Variants in GLRB observed in about 807,000 individuals in gnomAD.
GLRB encodes the protein glycine receptor subunit beta.
Under a neutral mutation model 54.2 loss-of-function variants are expected in GLRB, and 33 were observed. The ratio of observed to expected loss-of-function variants is 0.61; its 90% CI spans 0.46 to 0.81. The LOEUF (loss-of-function observed/expected upper bound fraction) is 0.81, where lower values mean the gene tolerates loss of function less well. Ranked by LOEUF, GLRB falls within the 40% of genes least tolerant of loss-of-function variation. GLRB has a pLI of 0.00. For synonymous variants in GLRB, 209 were observed against 208.2 expected, an observed-to-expected ratio of 1.00 and a Z score of -0.03; for missense variants, 572 against 584.6, an observed-to-expected ratio of 0.98 and a Z score of 0.22.
intron 8 of GLRB, among the ~76,000 whole-genome samples, 172 bp downstream of exon 8, chr4:157,144,131 T>C (rs2126584406): frequency 6.6e-6 from 1 of 152,362 alleles, no homozygotes; most frequent in South Asian, 2.1e-4. Context: ...TCAATGTTTA[T>C]GCACTCTATA....
intron 2 of GLRB, 87 bp downstream of exon 2, chr4:157,078,233 A>T: frequency 6.3e-7 from 1 of 1,586,764 alleles, no homozygotes; most frequent in Non-Finnish European, 8.6e-7. Context: ...GACACACATC[A>T]ACAAAACTTT....
chr4:157,163,829 AGTGTGT>A (rs3054934), intron 9 of GLRB, among the ~76,000 whole-genome samples: 10 of 146,276 alleles, frequency 6.8e-5, no homozygotes, highest in Admixed American at 6.1e-4. Context: ...TGTCTGTGTG[AGTGTGT>A]GTGTGTGTGT....
At chr4:157,116,796 A>G (rs1025102196) in intron 2 of GLRB, among the ~76,000 whole-genome samples, 1 of 151,678 alleles carries the variant, frequency 6.6e-6, no homozygotes, top group African/African-American at 2.4e-5. Flanking sequence ...ATTTTATTTA[A>G]ATTTTAAAAC....
intron 2 of GLRB, among the ~76,000 whole-genome samples, chr4:157,090,372 T>G (rs1011476142): frequency 3.9e-5 from 6 of 152,208 alleles, no homozygotes; most frequent in African/African-American, 1.4e-4. Context: ...CGGTAGCAAA[T>G]CAGTTTAATG....
intron 9 of GLRB, among the ~76,000 whole-genome samples, chr4:157,167,589 T>C (rs1737758446): frequency 6.6e-6 from 1 of 152,198 alleles, no homozygotes; most frequent in Non-Finnish European, 1.5e-5. Context: ...ATTAGATGTA[T>C]ATTTGTATAT....
At chr4:157,111,271 A>G (rs950808608) in intron 2 of GLRB, among the ~76,000 whole-genome samples, 1 of 151,956 alleles carries the variant, frequency 6.6e-6, no homozygotes, top group Non-Finnish European at 1.5e-5. Flanking sequence ...AGCTTTGGGG[A>G]GGAGCTGTGG....
chr4:157,133,095 A>G (rs1383899913), intron 4 of GLRB, among the ~76,000 whole-genome samples: 2 of 151,984 alleles, frequency 1.3e-5, no homozygotes, highest in African/African-American at 4.8e-5. Flanking sequence ...TCTAGGTAAC[A>G]TCTTTACAAC....
chr4:157,106,081 T>C (rs920518369), intron 2 of GLRB, among the ~76,000 whole-genome samples: 1 of 152,148 alleles, frequency 6.6e-6, no homozygotes, highest in Non-Finnish European at 1.5e-5. Context: ...GCATGTCTAG[T>C]GGTGATGAAT....
intron 9 of GLRB, among the ~76,000 whole-genome samples, chr4:157,154,366 T>C (rs1737142346): frequency 6.6e-6 from 1 of 151,888 alleles, no homozygotes; most frequent in South Asian, 2.1e-4. Flanking sequence ...GTTTTCTCTA[T>C]GTTTTATTTT....
intron 4 of GLRB, among the ~76,000 whole-genome samples, chr4:157,127,097 T>C (rs976904210): frequency 6.6e-6 from 1 of 151,836 alleles, no homozygotes; most frequent in Non-Finnish European, 1.5e-5. Flanking sequence ...AAATGCTTGA[T>C]TCTAGTTCTT....
chr4:157,088,282 G>A (rs1579185810), intron 2 of GLRB, among the ~76,000 whole-genome samples: 1 of 139,536 alleles, frequency 7.2e-6, no homozygotes, highest in African/African-American at 3.4e-5. Context: ...GTGATACCAT[G>A]GGCATGGCTG....
chr4:157,095,383 A>G (rs1734771651), intron 2 of GLRB, among the ~76,000 whole-genome samples: 1 of 152,002 alleles, frequency 6.6e-6, no homozygotes, highest in African/African-American at 2.4e-5. Context: ...AAATGAGGGG[A>G]AAACAAGAGT....
chr4:157,132,175 A>C (rs1358378437), intron 4 of GLRB, among the ~76,000 whole-genome samples: 1 of 151,796 alleles, frequency 6.6e-6, no homozygotes, highest in Non-Finnish European at 1.5e-5. Flanking sequence ...ACATCTTTTC[A>C]TATGCTTATT....
At chr4:157,080,093 A>G (rs1197569018) in intron 2 of GLRB, among the ~76,000 whole-genome samples, 1 of 152,120 alleles carries the variant, frequency 6.6e-6, no homozygotes, top group African/African-American at 2.4e-5. Context: ...TCTTTTCACA[A>G]CTACATTATT....
intron 4 of GLRB, among the ~76,000 whole-genome samples, chr4:157,128,137 C>T (rs1006544734): frequency 2.6e-5 from 4 of 151,710 alleles, no homozygotes; most frequent in Admixed American, 2.6e-4. Context: ...ATTACTTAAA[C>T]CTCTCACTCA....
At chr4:157,106,488 A>T (rs571673019) in intron 2 of GLRB, among the ~76,000 whole-genome samples, 58 of 152,234 alleles carry the variant, frequency 3.8e-4, no homozygotes, top group Non-Finnish European at 6.9e-4. Flanking sequence ...TGGTGTACTG[A>T]GTAGGGAAGA....
At chr4:157,167,075 T>C (rs1294215122) in intron 9 of GLRB, among the ~76,000 whole-genome samples, 1 of 152,152 alleles carries the variant, frequency 6.6e-6, no homozygotes, top group Non-Finnish European at 1.5e-5. Flanking sequence ...CAGTATATTC[T>C]AAATATACTT....
chr4:157,168,039 A>G (rs1374083522), intron 9 of GLRB, among the ~76,000 whole-genome samples: 1 of 151,878 alleles, frequency 6.6e-6, no homozygotes, highest in African/African-American at 2.4e-5. Flanking sequence ...ACTAGGCCCC[A>G]CCTCCAACAC....
chr4:157,141,253 G>T (rs1428184888), intron 7 of GLRB, among the ~76,000 whole-genome samples: 1 of 151,638 alleles, frequency 6.6e-6, no homozygotes, highest in African/African-American at 2.4e-5. Flanking sequence ...AATATTTTTT[G>T]GCACTTAGTA....
Sources: gnomAD v4.1 joint callset for allele counts (sites outside exome capture counted in the v4.1 genomes callset) on GRCh38, gnomAD v4.1.1 for gene constraint, MANE v1.5 for transcripts, NCBI Gene and HGNC (gene_info 2026-07-23, HGNC 2026-07-21) for gene names.